The following ERBB4 variants were observed in gnomAD, a reference collection of about 807,000 sequenced individuals.
ERBB4 encodes the protein receptor tyrosine-protein kinase erbB-4.
A neutral mutation model predicts 158.0 loss-of-function variants in ERBB4; 42 were observed. The observed-to-expected ratio is 0.27, with a 90% CI of 0.21 to 0.34. The LOEUF (loss-of-function observed/expected upper bound fraction) is 0.34, where lower values mean the gene tolerates loss of function less well. Among genes scored for constraint, ERBB4 ranks in the 10% least tolerant of loss-of-function variants. The pLI is 1.00. For synonymous variants in ERBB4, 583 were observed against 558.7 expected (o/e 1.04, Z -0.61); for missense variants, 1,333 against 1,624.1 (o/e 0.82, Z 3.08).
Position 211,376,182 on chromosome 2 carries a change from C to T in ERBB4, c.*7433G>A. ...GCATATCCTATTGTGTAAGCGAGTG[C>T]AGAGGTTGAACACATCACAATAGTG... is the stretch of plus-strand genomic sequence containing the variant. On this transcript the variant is annotated 3_prime_UTR_variant, in exon 28 of 28. Coordinates refer to ENST00000342788, the MANE Select transcript of ERBB4 (RefSeq NM_005235.3). The T allele has an allele frequency of 4.3e-6, 1 of 233,120 alleles. No homozygotes were observed. Among genetic ancestry groups the T allele is most frequent in the Non-Finnish European group, 8.5e-6 (1 of 117,742 alleles). The allele number at this position is 233,120 out of a possible 1,614,324, so 14.4% of individuals were successfully genotyped here. A position where few individuals can be genotyped will look rare whatever the true frequency, so the allele number is the denominator to read the frequency against.
intron 2 of ERBB4, among the ~76,000 whole-genome samples, chr2:212,087,397 T>G (rs1055075390): frequency 2.0e-5 from 3 of 152,232 alleles, no homozygotes; most frequent in Admixed American, 6.6e-5. Context: ...GTAACAGTAC[T>G]AACGCCACCA....
At chr2:212,500,845 T>A (rs879346083) in intron 1 of ERBB4, among the ~76,000 whole-genome samples, 1 of 152,190 alleles carries the variant, frequency 6.6e-6, no homozygotes, top group African/African-American at 2.4e-5. Flanking sequence ...AGCAACCTGC[T>A]AATCTTAGAA....
At chr2:211,657,952 A>G (rs1272877729) in intron 15 of ERBB4, 124 bp from the exon 16 acceptor site, 10 of 1,607,864 alleles carry the variant, frequency 6.2e-6, no homozygotes, top group Non-Finnish European at 8.5e-6. Flanking sequence ...CCAAGTACCT[A>G]TCCATCAGGC....
At chr2:212,291,447 A>C (rs1310223801) in intron 1 of ERBB4, among the ~76,000 whole-genome samples, 1 of 152,158 alleles carries the variant, frequency 6.6e-6, no homozygotes, top group Non-Finnish European at 1.5e-5. Context: ...AATTTGCATT[A>C]AAATTAAGTT....
intron 1 of ERBB4, among the ~76,000 whole-genome samples, chr2:212,184,144 A>C (rs1044896137): frequency 6.6e-6 from 1 of 152,082 alleles, no homozygotes; most frequent in African/African-American, 2.4e-5. Flanking sequence ...TAAGAAATGG[A>C]CTGAATCAAG....
intron 1 of ERBB4, among the ~76,000 whole-genome samples, chr2:212,301,271 C>G (rs1302341636): frequency 6.6e-6 from 1 of 151,060 alleles, no homozygotes; most frequent in Non-Finnish European, 1.5e-5. Flanking sequence ...TCTATTTTTC[C>G]TTTTCTTTGT....
At chr2:211,537,206 G>T (rs1364286613) in intron 20 of ERBB4, among the ~76,000 whole-genome samples, 1 of 151,782 alleles carries the variant, frequency 6.6e-6, no homozygotes, top group Non-Finnish European at 1.5e-5. Context: ...ATTTTCTCAA[G>T]TATCCCAATG....
In ERBB4 at chr2:212,266,110, C is replaced by G. The variant is rs752966678; in HGVS notation, c.83-141207G>C. Among the ~76,000 whole-genome samples, 12 of 151,724 alleles carry G rather than the reference C, an allele frequency of 7.9e-5. No homozygotes were observed. In the South Asian group the frequency reaches 2.5e-3, roughly 31 times the overall value. ...GCCTCCGTCTCAATTGCATGCCCCC[C>G]TCTCCTATTCTGTGTCTCCTTCCCC... On this transcript the variant is annotated intron_variant, in intron 1 of 27. Transcript: ENST00000342788.
intron 1 of ERBB4, among the ~76,000 whole-genome samples, chr2:212,259,687 A>G (rs1393451355): frequency 6.6e-6 from 1 of 152,228 alleles, no homozygotes; most frequent in African/African-American, 2.4e-5. Context: ...TTGTTCAATT[A>G]TACAAGAGTA....
At chr2:211,867,507 T>G (rs1442530127) in intron 3 of ERBB4, among the ~76,000 whole-genome samples, 1 of 152,206 alleles carries the variant, frequency 6.6e-6, no homozygotes, top group Admixed American at 6.5e-5. Context: ...TTCAGTGGCA[T>G]GAATATCAAA....
At chr2:212,523,498 A>G (rs1447001241) in intron 1 of ERBB4, among the ~76,000 whole-genome samples, 1 of 152,004 alleles carries the variant, frequency 6.6e-6, no homozygotes, top group African/African-American at 2.4e-5. Flanking sequence ...TGATAATATA[A>G]TGGATCAGAA....
chr2:212,418,132 T>A (rs879721212), intron 1 of ERBB4, among the ~76,000 whole-genome samples: 1 of 151,960 alleles, frequency 6.6e-6, no homozygotes, highest in Non-Finnish European at 1.5e-5. Flanking sequence ...AATAACTGTA[T>A]TGTTAGCCAT....
chr2:211,815,176 C>G (rs533209498), intron 3 of ERBB4, among the ~76,000 whole-genome samples: 1 of 151,976 alleles, frequency 6.6e-6, no homozygotes, highest in African/African-American at 2.4e-5. Flanking sequence ...CAACGCAAAG[C>G]AATTATATGA....
At chr2:211,639,748 G>C (rs1232129620) in intron 16 of ERBB4, among the ~76,000 whole-genome samples, 1 of 151,974 alleles carries the variant, frequency 6.6e-6, no homozygotes, top group Non-Finnish European at 1.5e-5. Context: ...TTGAGAAGGA[G>C]TCTTACTCTG....
At chr2:212,021,589 T>C (rs2076650839) in intron 2 of ERBB4, among the ~76,000 whole-genome samples, 2 of 152,250 alleles carry the variant, frequency 1.3e-5, no homozygotes, top group Non-Finnish European at 2.9e-5. Flanking sequence ...GATTAAAGGC[T>C]TAAATGTCAA....
intron 3 of ERBB4, among the ~76,000 whole-genome samples, chr2:211,944,176 AC>A (rs60922411): frequency 0.052 from 841 of 16,214 alleles, 19 homozygotes; most frequent in African/African-American, 0.13. Flanking sequence ...ATATATATAT[AC>A]TATATATATA....
chr2:211,825,875 A>G (rs906819561), intron 3 of ERBB4, among the ~76,000 whole-genome samples: 2 of 147,518 alleles, frequency 1.4e-5, no homozygotes, highest in Non-Finnish European at 3.0e-5. Flanking sequence ...AATCTACAAT[A>G]TAGATTAATT....
At chr2:211,477,313 T>TCTCTC (rs1559207148) in intron 20 of ERBB4, among the ~76,000 whole-genome samples, 1 of 144,150 alleles carries the variant, frequency 6.9e-6, no homozygotes, top group African/African-American at 2.9e-5. Flanking sequence ...CTCTCTCTCT[T>TCTCTC]TCTCTCTCTC....
intron 2 of ERBB4, among the ~76,000 whole-genome samples, chr2:212,009,327 T>C (rs2076331107): frequency 6.6e-6 from 1 of 151,474 alleles, no homozygotes; most frequent in Non-Finnish European, 1.5e-5. Flanking sequence ...GCAGAGGAGA[T>C]TTGAAATACT....
Sources: gnomAD v4.1 joint callset for allele counts (sites outside exome capture counted in the v4.1 genomes callset) on GRCh38, gnomAD v4.1.1 for gene constraint, MANE v1.5 for transcripts, NCBI Gene and HGNC (gene_info 2026-07-23, HGNC 2026-07-21) for gene names.